The following HTT variants were observed in gnomAD, a reference collection of about 807,000 sequenced individuals.
HTT encodes huntingtin.
Under a neutral mutation model 362.3 loss-of-function variants are expected in HTT, and 104 were observed. The ratio of observed to expected loss-of-function variants is 0.29; its 90% CI spans 0.24 to 0.34. The LOEUF (loss-of-function observed/expected upper bound fraction) is 0.34. HTT is among the 10% of genes least tolerant of loss of function. HTT has a pLI of 1.00. For missense variants in HTT, 3,301 were observed against 3,928.6 expected (o/e 0.84, Z 4.27); for synonymous variants, 1,577 against 1,548.7 (o/e 1.02, Z -0.43).
At position 3,115,494 on chromosome 4, in the gene HTT, T is replaced by C. The variant is rs1051065309; in HGVS notation, c.889+49T>C. The C allele has an allele frequency of 2.8e-6, 4 of 1,452,614 alleles. No individual in the cohort carries two copies. The African/African-American group carries it at 4.2e-5, about 15-fold the overall frequency. The allele number at this position is 1,452,614 out of a possible 1,614,324, so 90.0% of individuals were successfully genotyped here. On this transcript the variant is annotated intron_variant, in intron 7 of 66. Coordinates refer to ENST00000355072, the MANE Select transcript of HTT (RefSeq NM_001388492.1). Reference sequence around the variant, plus strand: ...AAGAGTCTCCAGCATGTACTCAAGATAGACCTTTGAAATAAATAAAACCAG... The same window carrying C: ...AAGAGTCTCCAGCATGTACTCAAGACAGACCTTTGAAATAAATAAAACCAG...
At chr4:3,161,567 A>G (rs1376898567) in intron 29 of HTT, among the ~76,000 whole-genome samples, 1 of 152,212 alleles carries the variant, frequency 6.6e-6, no homozygotes, top group Admixed American at 6.5e-5. Context: ...ATTTTTCCAC[A>G]ACCTCTCCAG....
Position 3,215,202 on chromosome 4 carries a change from AAC to A in HTT, c.7051_7052del (p.Gln2351GlufsTer3). The A allele has an allele frequency of 6.2e-7, 1 of 1,613,054 alleles. No homozygotes were observed. Among genetic ancestry groups the A allele is most frequent in the Non-Finnish European group, 8.5e-7 (1 of 1,179,250 alleles). ...ISEEEEEVDP[N>X]TQNPKYITAA... is the part of the protein sequence containing the mutation. The stretch of plus-strand genomic sequence containing the variant: ...CGAGGAGGAGGAGGAAGTAGATCCA[AAC>A]ACACAGAGTAAGTCTCAGGACCCAT... On this transcript the variant is annotated frameshift_variant, in exon 51 of 67. Coordinates refer to ENST00000355072, the MANE Select transcript of HTT (RefSeq NM_001388492.1). LOFTEE classifies it high-confidence loss of function.
intron 1 of HTT, among the ~76,000 whole-genome samples, chr4:3,085,329 G>A (rs912971299): frequency 1.3e-5 from 2 of 152,048 alleles, no homozygotes; most frequent in African/African-American, 2.4e-5. Flanking sequence ...GTAGAGCAGC[G>A]TTTCACCATG....
chr4:3,226,950 C>T (rs749985773), intron 57 of HTT, among the ~76,000 whole-genome samples: 13 of 152,210 alleles, frequency 8.5e-5, no homozygotes, highest in African/African-American at 3.1e-4. Context: ...CAGATGTTTC[C>T]ACCCCAAGAT....
At chr4:3,239,555 G>T (rs937090164) in intron 66 of HTT, among the ~76,000 whole-genome samples, 1 of 152,242 alleles carries the variant, frequency 6.6e-6, no homozygotes, top group Non-Finnish European at 1.5e-5. Flanking sequence ...AGCAGGGCTA[G>T]TGGAGGCCAG....
intron 30 of HTT, 40 bp downstream of exon 30, chr4:3,172,437 G>A (rs367733788): frequency 8.4e-6 from 11 of 1,312,506 alleles, no homozygotes; most frequent in African/African-American, 1.4e-5. Flanking sequence ...TAAGACGTTC[G>A]GGTATGACAG....
intron 26 of HTT, among the ~76,000 whole-genome samples, chr4:3,149,554 C>T (rs1003992827): frequency 1.3e-5 from 2 of 151,618 alleles, no homozygotes; most frequent in African/African-American, 4.9e-5. Flanking sequence ...GTGATCTATC[C>T]GCTTCGGCCT....
rs779119462 is a variant in HTT at position 3,129,976 on chromosome 4, A to G, written c.1796A>G (p.Gln599Arg). The change falls in exon 13 of 67, where the codon CAG becomes CGG. Residue 599 changes from glutamine (Q) to arginine (R), a missense_variant. Physicochemically the swap from Gln to Arg is conservative, Grantham distance 43. This residue lies in a region of HTT where 2,316 missense variants were observed against 2,658.5 expected (regional missense o/e 0.87). Coordinates refer to ENST00000355072, the MANE Select transcript of HTT (RefSeq NM_001388492.1). The part of the protein sequence containing the change: ...QYLGLQIGQP[Q>R]DEDEEATGIL... Reference sequence around the variant, plus strand: ...TTGGGCCTGCAGATTGGACAGCCCCAGGATGAAGATGAGGAAGCCACAGGT... The same window carrying G: ...TTGGGCCTGCAGATTGGACAGCCCCGGGATGAAGATGAGGAAGCCACAGGT... 108 of 1,613,906 alleles carry G rather than the reference A, an allele frequency of 6.7e-5. No homozygotes were observed. Among genetic ancestry groups the G allele is most frequent in the Middle Eastern group, 6.6e-4 (4 of 6,084 alleles).
At position 3,206,129 on chromosome 4, in the gene HTT, G is replaced by T. The variant is rs1719842063; in HGVS notation, c.5719-367G>T. Among the ~76,000 whole-genome samples the T allele has an allele frequency of 6.6e-6, 1 of 152,372 alleles. No homozygotes were observed. The highest frequency in any genetic ancestry group is 3.4e-3 in the Middle Eastern group (1 of 294). On this transcript the variant is annotated intron_variant, in intron 42 of 66. Coordinates refer to ENST00000355072, the MANE Select transcript of HTT (RefSeq NM_001388492.1). This position sits in a 1 kb window ranked among gnomAD's most constrained non-coding sequence, Gnocchi z 4.6. ...CGAAGCCCGGGAGAGGGCAGGCAGTGCTGTGGATGGGGTCATCCCAGCGCA... is the reference window on the plus strand; with the variant it reads ...CGAAGCCCGGGAGAGGGCAGGCAGTTCTGTGGATGGGGTCATCCCAGCGCA...
intron 34 of HTT, 23 bp downstream of exon 34, chr4:3,177,410 G>T: frequency 6.7e-7 from 1 of 1,499,028 alleles, no homozygotes; most frequent in African/African-American, 1.4e-5. Flanking sequence ...TATTATTTTA[G>T]ATTTTTTTCT....
intron 52 of HTT, among the ~76,000 whole-genome samples, chr4:3,219,032 G>A (rs1307802010): frequency 2.6e-5 from 4 of 152,214 alleles, no homozygotes; most frequent in African/African-American, 9.7e-5. Flanking sequence ...TAAGGATTCT[G>A]CCGCAGGGAA....
intron 40 of HTT, among the ~76,000 whole-genome samples, chr4:3,193,819 G>A (rs749155524): frequency 6.6e-6 from 1 of 152,208 alleles, no homozygotes; most frequent in African/African-American, 2.4e-5. Context: ...GACAGTGCAG[G>A]TCTGTTGAGA....
At position 3,228,434 on chromosome 4, in the gene HTT, C is replaced by A. The variant is rs1232370803; in HGVS notation, c.7849-181C>A. Among the ~76,000 whole-genome samples the A allele has an allele frequency of 3.3e-5, 5 of 152,194 alleles. No individual in the cohort carries two copies. Among genetic ancestry groups the A allele is most frequent in the African/African-American group, 9.7e-5 (4 of 41,448 alleles). On this transcript the variant is annotated intron_variant, in intron 57 of 66. Transcript: ENST00000355072. This position sits in a 1 kb window ranked among gnomAD's most constrained non-coding sequence, Gnocchi z 4.3. Reference sequence around the variant, plus strand: ...GTGCTGGAGCTTCCCAGCAGCTGTCCAGCCCCTGCCCCACCCTCTCTGTGG... The same window carrying A: ...GTGCTGGAGCTTCCCAGCAGCTGTCAAGCCCCTGCCCCACCCTCTCTGTGG...
intron 1 of HTT, 97 bp from the exon 2 acceptor site, chr4:3,086,842 A>G (rs1713233850): frequency 2.9e-6 from 2 of 679,274 alleles, no homozygotes; most frequent in South Asian, 3.5e-5. Context: ...TATTCATAGT[A>G]GTCGAGAAAC....
chr4:3,075,338 G>T (rs1475713746), intron 1 of HTT, among the ~76,000 whole-genome samples: 2 of 152,238 alleles, frequency 1.3e-5, no homozygotes, highest in African/African-American at 4.8e-5. Context: ...CCTTGTTGGG[G>T]CCTGTCCTGA....
intron 29 of HTT, among the ~76,000 whole-genome samples, chr4:3,160,885 CT>C (rs1323651542): frequency 6.6e-6 from 1 of 151,680 alleles, no homozygotes; most frequent in African/African-American, 2.4e-5. Flanking sequence ...TTTTCTTTTT[CT>C]TTTTTTTGGT....
In HTT at chr4:3,240,490, T is replaced by TC. The variant is rs1721757348; in HGVS notation, c.*434dup. On this transcript the variant is annotated 3_prime_UTR_variant, in exon 67 of 67. Transcript: ENST00000355072. ...GGCTTTGGGAACACTGGCCTGGGTCTCCCTGGTGGGGTGTGCATGCCACGC... is the reference window on the plus strand; with the variant it reads ...GGCTTTGGGAACACTGGCCTGGGTCTCCCCTGGTGGGGTGTGCATGCCACGC... 1 of 228,932 alleles carries TC rather than the reference T, an allele frequency of 4.4e-6. No homozygotes were observed. Among genetic ancestry groups the TC allele is most frequent in the African/African-American group, 2.3e-5 (1 of 43,618 alleles). 14.2% of individuals were successfully genotyped at this position (228,932 alleles called of 1,614,324 possible). A position where few individuals can be genotyped will look rare whatever the true frequency, so the allele number is the denominator to read the frequency against.
chr4:3,112,364 G>A (rs975911450), intron 6 of HTT, among the ~76,000 whole-genome samples: 6 of 152,078 alleles, frequency 3.9e-5, no homozygotes, highest in Non-Finnish European at 7.4e-5. Context: ...CCTTGTAACC[G>A]CCACCCAGGT....
chr4:3,078,024 C>T (rs956032337), intron 1 of HTT, among the ~76,000 whole-genome samples: 4 of 152,166 alleles, frequency 2.6e-5, no homozygotes, highest in Admixed American at 6.5e-5. Context: ...TGTGGTGTCA[C>T]GCCATGCATG....
Sources: allele counts gnomAD v4.1 joint callset (sites outside exome capture counted in the v4.1 genomes callset), GRCh38; gene constraint gnomAD v4.1.1; regional missense constraint gnomAD v4.1.1; non-coding constraint Gnocchi (gnomAD v3.1); transcripts MANE v1.5; gene names NCBI Gene and HGNC (gene_info 2026-07-23, HGNC 2026-07-21).